PTPRN2: variants seen among roughly 807,000 people sequenced by gnomAD.
The protein encoded by PTPRN2 is protein tyrosine phosphatase receptor type N2.
Under a neutral mutation model 118.8 loss-of-function variants are expected in PTPRN2, and 74 were observed. That is an observed-to-expected ratio of 0.62 (90% CI 0.52 to 0.76). PTPRN2 has a LOEUF of 0.76. Among genes scored for constraint, PTPRN2 ranks in the 30% least tolerant of loss-of-function variants. The pLI is 0.00. For synonymous variants in PTPRN2, 641 were observed against 608.0 expected (o/e 1.05, Z -0.80); for missense variants, 1,481 against 1,394.4 (o/e 1.06, Z -0.99).
At chr7:157,725,968 T>C (rs10277337) in intron 12 of PTPRN2, among the ~76,000 whole-genome samples, 4,849 of 18,766 alleles carry the variant, frequency 0.26, 427 homozygotes, top group Middle Eastern at 0.3. Context: ...GATATCCACA[T>C]GCAGAGGAGT....
At position 157,764,455 on chromosome 7, in the gene PTPRN2, T is replaced by C. The variant is rs1423695537; in HGVS notation, c.1789-81518A>G. On this transcript the variant is annotated intron_variant, in intron 12 of 22. Coordinates refer to ENST00000389418, the MANE Select transcript of PTPRN2 (RefSeq NM_002847.5). The surrounding 1 kb of genome is among the most constrained non-coding windows in gnomAD (Gnocchi z 4.5). Reference sequence around the variant, plus strand: ...ACATGGATGAACCTTGAAGATGTTATGCTAAGTGAAATAAGCCAGTCACAA... The same window carrying C: ...ACATGGATGAACCTTGAAGATGTTACGCTAAGTGAAATAAGCCAGTCACAA... Among the ~76,000 whole-genome samples the C allele has an allele frequency of 3.3e-5, 5 of 152,216 alleles. No homozygotes were observed. The highest frequency in any genetic ancestry group is 7.3e-5 in the Non-Finnish European group (5 of 68,038).
At chr7:158,446,402 C>T (rs1267549468) in intron 2 of PTPRN2, among the ~76,000 whole-genome samples, 3 of 152,234 alleles carry the variant, frequency 2.0e-5, no homozygotes, top group Admixed American at 1.3e-4. Flanking sequence ...GGCCCACTCA[C>T]GATGGAGTCT....
chr7:158,129,488 AC>A (rs1478752873), intron 9 of PTPRN2, among the ~76,000 whole-genome samples: 7 of 115,704 alleles, frequency 6.0e-5, no homozygotes, highest in African/African-American at 1.6e-4. Flanking sequence ...AACACACAGC[AC>A]ACACACACAC....
At chr7:157,775,386 C>T (rs1341176371) in intron 12 of PTPRN2, among the ~76,000 whole-genome samples, 1 of 152,206 alleles carries the variant, frequency 6.6e-6, no homozygotes, top group East Asian at 1.9e-4. Flanking sequence ...CTCCCATAGG[C>T]ATAACGGGGA....
intron 4 of PTPRN2, among the ~76,000 whole-genome samples, chr7:158,194,792 A>G (rs544264213): frequency 4.5e-4 from 69 of 152,340 alleles, no homozygotes; most frequent in African/African-American, 1.6e-3. Context: ...CAAATTACAG[A>G]TAGTGTATAA....
intron 1 of PTPRN2, chr7:158,532,618 C>CAA (rs55857496): frequency 0.49 from 222,638 of 457,184 alleles, 55,729 homozygotes; most frequent in South Asian, 0.65. Flanking sequence ...AAGAAAAGAC[C>CAA]AAAAACGTCA....
At chr7:158,336,878 G>C (rs1315365946) in intron 2 of PTPRN2, among the ~76,000 whole-genome samples, 6 of 80,888 alleles carry the variant, frequency 7.4e-5, no homozygotes, top group Non-Finnish European at 1.0e-4. Flanking sequence ...CGCCCGCACA[G>C]GTCACTCACA....
At chr7:157,889,097 A>G (rs1484739107) in intron 12 of PTPRN2, among the ~76,000 whole-genome samples, 3 of 151,994 alleles carry the variant, frequency 2.0e-5, no homozygotes, top group African/African-American at 7.3e-5. Flanking sequence ...AAAGGAAAAA[A>G]CTCACTTGCA....
chr7:158,086,992 G>A (rs559667287), intron 10 of PTPRN2, among the ~76,000 whole-genome samples: 15 of 152,154 alleles, frequency 9.9e-5, no homozygotes, highest in African/African-American at 2.9e-4. Flanking sequence ...ACTTCCTCGC[G>A]GGGCGATTTT....
rs1030849081 is a variant in PTPRN2, at chr7:157,611,644, G to A, written c.2345-7569C>T. Among the ~76,000 whole-genome samples, 2 of 152,120 alleles carry A rather than the reference G, an allele frequency of 1.3e-5. No individual in the cohort carries two copies. Among genetic ancestry groups the A allele is most frequent in the Non-Finnish European group, 1.5e-5 (1 of 68,036 alleles). ...GGGCGGCCCTAATGCAATATGACTG[G>A]CGTGCTGTTAGGAAGAAGGACTCTG... On this transcript the variant is annotated intron_variant, in intron 15 of 22. Coordinates refer to ENST00000389418, the MANE Select transcript of PTPRN2 (RefSeq NM_002847.5). The surrounding 1 kb of genome is among the most constrained non-coding windows in gnomAD (Gnocchi z 5.9).
intron 3 of PTPRN2, among the ~76,000 whole-genome samples, chr7:158,206,310 T>G (rs941009012): frequency 1.3e-5 from 2 of 152,140 alleles, no homozygotes; most frequent in Non-Finnish European, 2.9e-5. Context: ...CAGGTGACAT[T>G]TCTAGACACA....
At chr7:158,462,443 C>T (rs1457115508) in intron 2 of PTPRN2, among the ~76,000 whole-genome samples, 2 of 152,122 alleles carry the variant, frequency 1.3e-5, no homozygotes, top group African/African-American at 4.8e-5. Context: ...GATGCGATAC[C>T]GTACTTGCAT....
rs920954055 is a variant in PTPRN2 at position 157,784,219 on chromosome 7, C to A, written c.1789-101282G>T. Reference sequence around the variant, plus strand: ...ACGTGGCTTCTGGCCCAGAGCAGCTCGTGAGTCAGCCTGGCCTAGTTGGAA... The same window carrying A: ...ACGTGGCTTCTGGCCCAGAGCAGCTAGTGAGTCAGCCTGGCCTAGTTGGAA... On this transcript the variant is annotated intron_variant, in intron 12 of 22. Coordinates refer to ENST00000389418, the MANE Select transcript of PTPRN2 (RefSeq NM_002847.5). This position sits in a 1 kb window ranked among gnomAD's most constrained non-coding sequence, Gnocchi z 4.6. 1.3e-5 allele frequency among the ~76,000 whole-genome samples: 2 copies of A among 152,078 alleles called. No individual in the cohort carries two copies. Among genetic ancestry groups the A allele is most frequent in the Admixed American group, 6.5e-5 (1 of 15,282 alleles).
chr7:158,420,309 T>C (rs1482851778), intron 2 of PTPRN2, among the ~76,000 whole-genome samples: 1 of 152,124 alleles, frequency 6.6e-6, no homozygotes. Context: ...CAGGCACAGC[T>C]TCAGCCCTCT....
At chr7:157,936,963 T>C (rs962245581) in intron 11 of PTPRN2, among the ~76,000 whole-genome samples, 3 of 152,262 alleles carry the variant, frequency 2.0e-5, no homozygotes, top group African/African-American at 7.2e-5. Context: ...AAGTATTCTT[T>C]CTGCAATATT....
chr7:158,060,137 C>G (rs35748304), intron 11 of PTPRN2, among the ~76,000 whole-genome samples: 3 of 91,490 alleles, frequency 3.3e-5, no homozygotes, highest in Admixed American at 2.1e-4. Flanking sequence ...CACACGGTGA[C>G]ACATCACTGC....
chr7:158,070,291 T>TC (rs1811110189), intron 11 of PTPRN2, among the ~76,000 whole-genome samples: 2 of 143,340 alleles, frequency 1.4e-5, no homozygotes, highest in African/African-American at 5.9e-5. Flanking sequence ...GAGGTGCTCG[T>TC]GGTGGTGGAG....
chr7:157,888,652 C>T (rs4716508), intron 12 of PTPRN2, among the ~76,000 whole-genome samples: 128,956 of 151,758 alleles, frequency 0.85, 54,927 homozygotes, highest in East Asian at 1. Flanking sequence ...TACTGGCCTA[C>T]GCGCAGCACC....
intron 11 of PTPRN2, among the ~76,000 whole-genome samples, chr7:158,065,449 G>A (rs1810693773): frequency 6.6e-6 from 1 of 152,256 alleles, no homozygotes; most frequent in Non-Finnish European, 1.5e-5. Context: ...TGGGCCTCCA[G>A]AAGCAGCTGT....
Sources: allele counts gnomAD v4.1 joint callset (sites outside exome capture counted in the v4.1 genomes callset), GRCh38; gene constraint gnomAD v4.1.1; non-coding constraint Gnocchi (gnomAD v3.1); transcripts MANE v1.5; gene names NCBI Gene and HGNC (gene_info 2026-07-23, HGNC 2026-07-21).